The following ATP2B1 variants were observed in gnomAD, a reference collection of about 807,000 sequenced individuals.
ATP2B1 encodes ATPase plasma membrane Ca2+ transporting 1, also known as plasma membrane calcium-transporting ATPase 1.
A neutral mutation model predicts 124.2 loss-of-function variants in ATP2B1; 14 were observed. The observed-to-expected ratio is 0.11, with a 90% confidence interval of 0.07 to 0.18. The LOEUF (loss-of-function observed/expected upper bound fraction) is 0.18. ATP2B1 is among the 10% of genes least tolerant of loss of function. The pLI, the probability that ATP2B1 is intolerant of heterozygous loss-of-function variation, is 1.00. For missense variants in ATP2B1, 763 were observed against 1,466.1 expected (o/e 0.52, Z 7.83); for synonymous variants, 449 against 492.4 (o/e 0.91, Z 1.17).
At chr12:89,609,912 G>A in intron 15 of ATP2B1, 25 bp downstream of exon 15, 3 of 1,595,316 alleles carry the variant, frequency 1.9e-6, no homozygotes, top group Non-Finnish European at 2.6e-6. Flanking sequence ...ATTACGTTTG[G>A]ATATTTGAAT....
At chr12:89,618,768 T>C (rs1427142308) in intron 11 of ATP2B1, among the ~76,000 whole-genome samples, 6 of 152,198 alleles carry the variant, frequency 3.9e-5, no homozygotes, top group Non-Finnish European at 7.3e-5. Context: ...CAGTGTGATC[T>C]CTCACCCAAA....
At chr12:89,628,343 A>C (rs556768931) in intron 6 of ATP2B1, among the ~76,000 whole-genome samples, 1 of 134,692 alleles carries the variant, frequency 7.4e-6, no homozygotes, top group South Asian at 2.6e-4. Flanking sequence ...CGGAGGTTGC[A>C]GTGAGCCAAG....
At chr12:89,683,723 G>A (rs998827532) in intron 1 of ATP2B1, among the ~76,000 whole-genome samples, 2 of 152,152 alleles carry the variant, frequency 1.3e-5, no homozygotes, top group African/African-American at 4.8e-5. Context: ...TAAAACAACT[G>A]TTTTACACAA....
intron 1 of ATP2B1, among the ~76,000 whole-genome samples, chr12:89,663,417 T>G (rs1006754343): frequency 6.6e-6 from 1 of 152,214 alleles, no homozygotes. Context: ...AATTATAATA[T>G]TTCATACAGC....
chr12:89,605,427 A>G (rs1876648774), intron 15 of ATP2B1, among the ~76,000 whole-genome samples: 1 of 152,148 alleles, frequency 6.6e-6, no homozygotes, highest in Non-Finnish European at 1.5e-5. Flanking sequence ...ACATCATTAT[A>G]AAGGTGAGTT....
chr12:89,608,176 T>C (rs1463013073), intron 15 of ATP2B1, among the ~76,000 whole-genome samples: 3 of 152,140 alleles, frequency 2.0e-5, no homozygotes, highest in East Asian at 1.9e-4. Context: ...ACTAAATTAA[T>C]TTATTTATTT....
At chr12:89,604,451 T>C in intron 15 of ATP2B1, 105 bp from the exon 16 acceptor site, 1 of 761,926 alleles carries the variant, frequency 1.3e-6, no homozygotes, top group South Asian at 2.3e-5. Flanking sequence ...TTATACCTAA[T>C]AAATATTACT....
At chr12:89,701,487 G>A (rs1021600408) in intron 1 of ATP2B1, among the ~76,000 whole-genome samples, 1 of 152,168 alleles carries the variant, frequency 6.6e-6, no homozygotes, top group South Asian at 2.1e-4. Flanking sequence ...TAGACATTGT[G>A]TAGCTTCTGT....
At chr12:89,669,981 A>C (rs1887746567) in intron 1 of ATP2B1, among the ~76,000 whole-genome samples, 1 of 152,222 alleles carries the variant, frequency 6.6e-6, no homozygotes, top group Non-Finnish European at 1.5e-5. Flanking sequence ...AACTTTAAGA[A>C]GAAAAGGAGA....
intron 2 of ATP2B1, among the ~76,000 whole-genome samples, chr12:89,644,708 A>G (rs1349403742): frequency 6.6e-6 from 1 of 151,466 alleles, no homozygotes; most frequent in Non-Finnish European, 1.5e-5. Context: ...CAGCAAAAAG[A>G]AAAAAAAATG....
chr12:89,611,930 G>T (rs1878100912), intron 12 of ATP2B1: 1 of 152,138 alleles, frequency 6.6e-6, no homozygotes, highest in East Asian at 1.9e-4. Flanking sequence ...TATCGATTCA[G>T]GTGTCTAAAA....
At chr12:89,693,155 C>T (rs1029156715) in intron 1 of ATP2B1, among the ~76,000 whole-genome samples, 2 of 152,036 alleles carry the variant, frequency 1.3e-5, no homozygotes, top group Admixed American at 1.3e-4. Context: ...ATGACTGTGC[C>T]TAGGGAAGCT....
intron 1 of ATP2B1, among the ~76,000 whole-genome samples, chr12:89,686,442 T>C (rs1446450678): frequency 6.6e-6 from 1 of 152,110 alleles, no homozygotes; most frequent in Non-Finnish European, 1.5e-5. Context: ...TTGCGTACAC[T>C]CACTTTTATT....
At chr12:89,678,960 C>T (rs1889016596) in intron 1 of ATP2B1, among the ~76,000 whole-genome samples, 1 of 152,098 alleles carries the variant, frequency 6.6e-6, no homozygotes. Context: ...GTAACAACTA[C>T]ATTTACATTT....
intron 1 of ATP2B1, among the ~76,000 whole-genome samples, chr12:89,656,491 C>CTTCA (rs2136366373): frequency 6.6e-6 from 1 of 152,284 alleles, no homozygotes; most frequent in East Asian, 1.9e-4. Context: ...TAAGAGCAGA[C>CTTCA]TTCAAGAAAG....
At chr12:89,631,990 T>C (rs889944912) in intron 5 of ATP2B1, among the ~76,000 whole-genome samples, 1 of 152,198 alleles carries the variant, frequency 6.6e-6, no homozygotes, top group African/African-American at 2.4e-5. Flanking sequence ...TGTCAGAGGA[T>C]AAAGAGTATA....
At chr12:89,698,500 A>C (rs1217867878) in intron 1 of ATP2B1, among the ~76,000 whole-genome samples, 1 of 152,174 alleles carries the variant, frequency 6.6e-6, no homozygotes, top group Admixed American at 6.5e-5. Flanking sequence ...GGGGAAGGGA[A>C]GGAAGATAAG....
rs1881686118 is a variant in ATP2B1, at chr12:89,630,549, CCTCCAG to C, written c.878_883del (p.Ala293_Gly294del). The C allele has an allele frequency of 1.9e-6, 3 of 1,595,010 alleles. No individual in the cohort carries two copies. Among genetic ancestry groups the C allele is most frequent in the Non-Finnish European group, 2.6e-6 (3 of 1,170,196 alleles). On this transcript the variant is annotated inframe_deletion, in exon 6 of 21. Transcript: ENST00000428670. ...CTCATCTTTCTTCTCTTCCTCTTCA[CCTCCAG>C]CTCCAAGTAAGGTAAAGATAATTCC...
At chr12:89,676,539 A>G (rs1888629622) in intron 1 of ATP2B1, among the ~76,000 whole-genome samples, 1 of 152,054 alleles carries the variant, frequency 6.6e-6, no homozygotes, top group South Asian at 2.1e-4. Context: ...GATTCCCAAG[A>G]AGCTTGGAAT....
Sources: allele counts gnomAD v4.1 joint callset (sites outside exome capture counted in the v4.1 genomes callset), GRCh38; gene constraint gnomAD v4.1.1; transcripts MANE v1.5; gene names NCBI Gene and HGNC (gene_info 2026-07-23, HGNC 2026-07-21).